The following GPR149 variants were observed in gnomAD, a reference collection of about 807,000 sequenced individuals.
GPR149 encodes probable G protein-coupled receptor 149.
In GPR149, 50 loss-of-function variants were observed where a neutral mutation model predicts 50.2. That is an observed-to-expected ratio of 1.00 (90% CI 0.79 to 1.26). The LOEUF (loss-of-function observed/expected upper bound fraction) is 1.26, where lower values mean the gene tolerates loss of function less well. GPR149 is among the 50% of genes most tolerant of loss of function. GPR149 has a pLI of 0.00. For synonymous variants in GPR149, 405 were observed against 358.2 expected (o/e 1.13, Z -1.48); for missense variants, 983 against 895.4 (o/e 1.10, Z -1.25).
intron 2 of GPR149, 151 bp downstream of exon 2, chr3:154,427,365 T>C: frequency 3.3e-6 from 2 of 608,656 alleles, no homozygotes; most frequent in Non-Finnish European, 5.5e-6. Flanking sequence ...TTGTAGTGAT[T>C]GTTTCATGTT....
At chr3:154,339,256 G>A (rs1170040756) in intron 3 of GPR149, among the ~76,000 whole-genome samples, 1 of 152,178 alleles carries the variant, frequency 6.6e-6, no homozygotes, top group African/African-American at 2.4e-5. Flanking sequence ...CCCAGGTACA[G>A]GGTCAAGCAA....
chr3:154,380,451 T>G (rs1165437963), intron 3 of GPR149, among the ~76,000 whole-genome samples: 1 of 152,152 alleles, frequency 6.6e-6, no homozygotes, highest in African/African-American at 2.4e-5. Context: ...GACAACAAAA[T>G]AAAGTTAACG....
At chr3:154,397,504 AAAAC>A (rs1715321943) in intron 3 of GPR149, among the ~76,000 whole-genome samples, 1 of 152,238 alleles carries the variant, frequency 6.6e-6, no homozygotes, top group Non-Finnish European at 1.5e-5. Context: ...AATTATATGA[AAAAC>A]AAAGGCAATA....
chr3:154,421,696 AATG>A (rs1267679589), intron 2 of GPR149, among the ~76,000 whole-genome samples: 2 of 151,924 alleles, frequency 1.3e-5, no homozygotes, highest in African/African-American at 4.8e-5. Context: ...TCATTTACAA[AATG>A]ATGGTCTTTA....
intron 3 of GPR149, among the ~76,000 whole-genome samples, chr3:154,360,381 AT>A (rs1339832283): frequency 1.3e-5 from 2 of 152,216 alleles, no homozygotes; most frequent in Non-Finnish European, 2.9e-5. Context: ...GTGGCAACAC[AT>A]TTTCTTGGTA....
At chr3:154,354,397 T>C (rs1321222224) in intron 3 of GPR149, among the ~76,000 whole-genome samples, 1 of 152,238 alleles carries the variant, frequency 6.6e-6, no homozygotes, top group African/African-American at 2.4e-5. Flanking sequence ...TTTCTAAGGC[T>C]ATACAAAATA....
intron 3 of GPR149, among the ~76,000 whole-genome samples, chr3:154,392,125 C>G (rs948511910): frequency 1.3e-5 from 2 of 151,594 alleles, no homozygotes; most frequent in Non-Finnish European, 3.0e-5. Context: ...AATAAGGAAA[C>G]AGGATCTGAA....
chr3:154,363,659 C>T (rs980707201), intron 3 of GPR149, among the ~76,000 whole-genome samples: 6 of 152,178 alleles, frequency 3.9e-5, no homozygotes, highest in African/African-American at 1.2e-4. Context: ...GAAAACCAAG[C>T]TGCCACTTCT....
At chr3:154,420,410 T>C (rs1712105502) in intron 3 of GPR149, among the ~76,000 whole-genome samples, 1 of 152,018 alleles carries the variant, frequency 6.6e-6, no homozygotes, top group Non-Finnish European at 1.5e-5. Flanking sequence ...GAGAAATTCA[T>C]GTGCAAATTC....
intron 3 of GPR149, among the ~76,000 whole-genome samples, chr3:154,420,165 A>G (rs1197468333): frequency 6.6e-6 from 1 of 152,144 alleles, no homozygotes; most frequent in East Asian, 1.9e-4. Context: ...TATTTCTAAA[A>G]TAATGCTTTT....
chr3:154,345,854 T>C (rs373449375), intron 3 of GPR149, among the ~76,000 whole-genome samples: 11 of 152,326 alleles, frequency 7.2e-5, no homozygotes, highest in African/African-American at 2.6e-4. Flanking sequence ...AACCATGGCA[T>C]TTTAATTTCT....
intron 3 of GPR149, among the ~76,000 whole-genome samples, chr3:154,384,799 C>T (rs998737804): frequency 6.6e-6 from 1 of 152,166 alleles, no homozygotes; most frequent in Non-Finnish European, 1.5e-5. Flanking sequence ...CAGGTTAGAG[C>T]TAATTTAGGG....
At chr3:154,356,793 G>T (rs1456589372) in intron 3 of GPR149, among the ~76,000 whole-genome samples, 2 of 152,044 alleles carry the variant, frequency 1.3e-5, no homozygotes, top group Non-Finnish European at 2.9e-5. Context: ...TCCCCATCAA[G>T]CTACCAATGA....
chr3:154,415,497 A>G (rs1000361075), intron 3 of GPR149, among the ~76,000 whole-genome samples: 22 of 152,122 alleles, frequency 1.4e-4, no homozygotes, highest in African/African-American at 5.3e-4. Flanking sequence ...CACTTCAAAT[A>G]GCCACTCTAA....
intron 3 of GPR149, among the ~76,000 whole-genome samples, chr3:154,384,292 G>T (rs1715000711): frequency 6.6e-6 from 1 of 152,134 alleles, no homozygotes; most frequent in Admixed American, 6.6e-5. Flanking sequence ...ATTACATATA[G>T]CAATTAGGAA....
chr3:154,391,150 A>G (rs998598560), intron 3 of GPR149, among the ~76,000 whole-genome samples: 1 of 152,098 alleles, frequency 6.6e-6, no homozygotes, highest in African/African-American at 2.4e-5. Context: ...AAGGGTAAAT[A>G]TAAAGACAAA....
At chr3:154,383,014 C>T (rs146811673) in intron 3 of GPR149, among the ~76,000 whole-genome samples, 103 of 152,084 alleles carry the variant, frequency 6.8e-4, no homozygotes, top group East Asian at 4.7e-3. Context: ...GAATGGCTCT[C>T]GTTGAGAATG....
chr3:154,347,802 G>C lies in GPR149; in HGVS notation c.1624-9531C>G, dbSNP rs1104650. Among the ~76,000 whole-genome samples the C allele has an allele frequency of 7.1e-3, 1,085 of 152,260 alleles. 12 individuals are homozygous for C. The highest frequency in any genetic ancestry group is 0.025 in the African/African-American group (1,042 of 41,530). ...GGAGAAAGGAGAGTGTGGTGGAAGG[G>C]AGCACCAATAGAAGGTTTTTAAAAT... On this transcript the variant is annotated intron_variant, in intron 3 of 3. Coordinates refer to ENST00000389740, the MANE Select transcript of GPR149 (RefSeq NM_001038705.3).
chr3:154,363,782 A>G (rs1191074794), intron 3 of GPR149, among the ~76,000 whole-genome samples: 1 of 152,192 alleles, frequency 6.6e-6, no homozygotes, highest in Non-Finnish European at 1.5e-5. Flanking sequence ...TTCCAAGACC[A>G]GCCATGGACA....
Sources: allele counts gnomAD v4.1 joint callset (sites outside exome capture counted in the v4.1 genomes callset), GRCh38; gene constraint gnomAD v4.1.1; transcripts MANE v1.5; gene names NCBI Gene and HGNC (gene_info 2026-07-23, HGNC 2026-07-21).